Variants in ASIC2 observed in about 807,000 individuals in gnomAD.
ASIC2 encodes the protein acid-sensing ion channel 2.
A neutral mutation model predicts 57.3 loss-of-function variants in ASIC2; 25 were observed. The observed-to-expected ratio is 0.44, with a 90% confidence interval of 0.32 to 0.61. ASIC2 has a LOEUF of 0.61. Among genes scored for constraint, ASIC2 ranks in the 20% least tolerant of loss-of-function variants. ASIC2 has a pLI of 0.06. For synonymous variants in ASIC2, 319 were observed against 307.5 expected, an observed-to-expected ratio of 1.04 and a Z score of -0.39; for missense variants, 641 against 738.1, an observed-to-expected ratio of 0.87 and a Z score of 1.52.
At chr17:33,321,117 G>A (rs1191875628) in intron 1 of ASIC2, among the ~76,000 whole-genome samples, 1 of 152,166 alleles carries the variant, frequency 6.6e-6, no homozygotes, top group African/African-American at 2.4e-5. Context: ...ATGTCACAGG[G>A]TAGCCACATG....
At position 34,099,211 on chromosome 17, in the gene ASIC2, AG is replaced by A. The variant is rs376555505; in HGVS notation, c.555+56766del. 2.7e-4 allele frequency among the ~76,000 whole-genome samples: 35 copies of A among 130,842 alleles called. 1 individual carries two copies. The highest frequency in any genetic ancestry group is 2.3e-4 in the African/African-American group (7 of 30,182). 85.8% of individuals were successfully genotyped at this position (130,842 alleles called of 152,430 possible). ...AAGAAAGAAAGAAAGAAAGAAAGAAAGGAAAGAAAAGAAAGAAAAAAGAAAG... is the reference window on the plus strand; with the variant it reads ...AAGAAAGAAAGAAAGAAAGAAAGAAAGAAAGAAAAGAAAGAAAAAAGAAAG... On this transcript the variant is annotated intron_variant, in intron 1 of 9. Coordinates refer to the ASIC2 transcript ENST00000359872.
intron 1 of ASIC2, among the ~76,000 whole-genome samples, chr17:33,771,026 T>A (rs1911089624): frequency 6.6e-6 from 1 of 152,184 alleles, no homozygotes; most frequent in Non-Finnish European, 1.5e-5. Flanking sequence ...GGGGGACTGA[T>A]CACATTTATT....
At chr17:34,106,509 G>C (rs929578804) in intron 1 of ASIC2, among the ~76,000 whole-genome samples, 3 of 152,028 alleles carry the variant, frequency 2.0e-5, no homozygotes, top group Non-Finnish European at 4.4e-5. Context: ...CTGTATGTCT[G>C]CATGTATGTA....
intron 1 of ASIC2, among the ~76,000 whole-genome samples, chr17:33,196,115 G>T (rs73982447): frequency 0.019 from 2,861 of 152,308 alleles, 91 homozygotes; most frequent in African/African-American, 0.065. Context: ...TGAGCCCTCA[G>T]TGAAAGGTCT....
At chr17:33,773,614 T>C (rs1911181318) in intron 1 of ASIC2, among the ~76,000 whole-genome samples, 1 of 151,906 alleles carries the variant, frequency 6.6e-6, no homozygotes, top group Admixed American at 6.6e-5. Flanking sequence ...ATGCACTGAA[T>C]GTCTTTTAGG....
intron 1 of ASIC2, among the ~76,000 whole-genome samples, chr17:34,132,065 CATA>C (rs1183707069): frequency 3.9e-5 from 6 of 152,164 alleles, no homozygotes; most frequent in African/African-American, 1.4e-4. Flanking sequence ...ACAGGAGGAT[CATA>C]ATGCCTCTGC....
chr17:33,934,172 G>A (rs1196421184), intron 1 of ASIC2, among the ~76,000 whole-genome samples: 1 of 152,120 alleles, frequency 6.6e-6, no homozygotes, highest in Non-Finnish European at 1.5e-5. Context: ...TTCTCGGCAG[G>A]CCTGCCCTGT....
intron 1 of ASIC2, among the ~76,000 whole-genome samples, chr17:33,718,182 A>G (rs922120561): frequency 1.3e-5 from 2 of 152,146 alleles, no homozygotes; most frequent in Non-Finnish European, 2.9e-5. Context: ...TCTCTAGTTT[A>G]CTTAGCCCTA....
intron 1 of ASIC2, among the ~76,000 whole-genome samples, chr17:33,529,230 G>A (rs1914975768): frequency 1.3e-5 from 2 of 152,132 alleles, no homozygotes; most frequent in Admixed American, 1.3e-4. Flanking sequence ...GCCCTGTAGG[G>A]GAGCTTTTAA....
chr17:33,945,891 C>T (rs977560336), intron 1 of ASIC2, among the ~76,000 whole-genome samples: 1 of 152,192 alleles, frequency 6.6e-6, no homozygotes, highest in African/African-American at 2.4e-5. Flanking sequence ...CCACAAGTCT[C>T]AAAGTGGACA....
chr17:33,761,261 AT>A (rs1167404147), intron 1 of ASIC2, among the ~76,000 whole-genome samples: 1 of 152,120 alleles, frequency 6.6e-6, no homozygotes, highest in Non-Finnish European at 1.5e-5. Context: ...GGATTGAGTA[AT>A]TTTTTTGTGT....
intron 1 of ASIC2, among the ~76,000 whole-genome samples, chr17:33,205,860 C>T (rs927931025): frequency 6.6e-6 from 1 of 152,232 alleles, no homozygotes; most frequent in Non-Finnish European, 1.5e-5. Flanking sequence ...TTTGATTGGG[C>T]TGACAACATT....
chr17:33,589,050 A>G (rs987435714), intron 1 of ASIC2, among the ~76,000 whole-genome samples: 6 of 152,264 alleles, frequency 3.9e-5, no homozygotes, highest in Non-Finnish European at 5.9e-5. Context: ...TTAAATAAAC[A>G]TATACTATAC....
At chr17:34,128,330 A>G (rs146150148) in intron 1 of ASIC2, among the ~76,000 whole-genome samples, 16 of 152,288 alleles carry the variant, frequency 1.1e-4, no homozygotes, top group African/African-American at 3.4e-4. Context: ...CCCCAGGTGC[A>G]GGGAGCCTCA....
intron 1 of ASIC2, among the ~76,000 whole-genome samples, chr17:33,663,699 G>T (rs970776804): frequency 6.6e-6 from 1 of 152,128 alleles, no homozygotes; most frequent in African/African-American, 2.4e-5. Flanking sequence ...GGGGTATGGG[G>T]ACACAGACTG....
At chr17:33,463,650 G>A (rs1043505729) in intron 1 of ASIC2, among the ~76,000 whole-genome samples, 2 of 151,186 alleles carry the variant, frequency 1.3e-5, no homozygotes, top group Non-Finnish European at 3.0e-5. Flanking sequence ...AAACAACTGC[G>A]GGAGTCATGG....
intron 1 of ASIC2, among the ~76,000 whole-genome samples, chr17:33,619,600 AAAC>A (rs1905716333): frequency 6.6e-6 from 1 of 152,228 alleles, no homozygotes; most frequent in Non-Finnish European, 1.5e-5. Flanking sequence ...ACATTTATAA[AAAC>A]AAGAGCTTGA....
chr17:33,969,903 AACTTTCC>A (rs142281570), intron 1 of ASIC2, among the ~76,000 whole-genome samples: 2 of 152,184 alleles, frequency 1.3e-5, no homozygotes, highest in Non-Finnish European at 2.9e-5. Flanking sequence ...TCCGATATGT[AACTTTCC>A]ACTCTGGGCT....
intron 1 of ASIC2, among the ~76,000 whole-genome samples, chr17:34,153,566 G>A (rs1019721900): frequency 3.3e-5 from 5 of 152,238 alleles, no homozygotes; most frequent in Non-Finnish European, 2.9e-5. Context: ...TCAGCATCAT[G>A]TTCCCTCTAG....
Sources: gnomAD v4.1 joint callset for allele counts (sites outside exome capture counted in the v4.1 genomes callset) on GRCh38, gnomAD v4.1.1 for gene constraint, MANE v1.5 for transcripts, NCBI Gene and HGNC (gene_info 2026-07-23, HGNC 2026-07-21) for gene names.